Variants in FHIT observed in about 807,000 individuals in gnomAD.
FHIT encodes the protein fragile histidine triad diadenosine triphosphatase, also known as bis(5'-adenosyl)-triphosphatase.
In FHIT, 19 loss-of-function variants were observed where a neutral mutation model predicts 17.9. The observed-to-expected ratio is 1.06, with a 90% CI of 0.74 to 1.56. The LOEUF (loss-of-function observed/expected upper bound fraction) is 1.56. Ranked by LOEUF, FHIT falls within the 40% of genes most tolerant of loss-of-function variation. The pLI, the probability that FHIT is intolerant of heterozygous loss-of-function variation, is 0.00. For missense variants in FHIT, 248 were observed against 189.2 expected (o/e 1.31, Z -1.82); for synonymous variants, 81 against 69.7 (o/e 1.16, Z -0.81).
intron 5 of FHIT, among the ~76,000 whole-genome samples, chr3:60,471,407 C>T (rs1446869118): frequency 1.3e-5 from 2 of 152,198 alleles, no homozygotes; most frequent in Non-Finnish European, 2.9e-5. Flanking sequence ...GACAATTTGC[C>T]TCTGGCTAGG....
At chr3:60,550,940 G>A (rs531644449) in intron 4 of FHIT, among the ~76,000 whole-genome samples, 1 of 152,232 alleles carries the variant, frequency 6.6e-6, no homozygotes, top group South Asian at 2.1e-4. Flanking sequence ...CAAAATCCAA[G>A]AACAGGAAGG....
chr3:60,200,851 T>G (rs1702868849), intron 5 of FHIT, among the ~76,000 whole-genome samples: 1 of 152,146 alleles, frequency 6.6e-6, no homozygotes, highest in Non-Finnish European at 1.5e-5. Context: ...GGCTACTGAT[T>G]CAGTTTTATT....
chr3:60,722,879 C>T (rs1271487510), intron 4 of FHIT, among the ~76,000 whole-genome samples: 17 of 152,042 alleles, frequency 1.1e-4, no homozygotes, highest in African/African-American at 3.9e-4. Context: ...GGAGCCGCCA[C>T]ATCCAGCGAA....
chr3:59,886,202 G>C (rs1270577272), intron 8 of FHIT: 1 of 152,194 alleles, frequency 6.6e-6, no homozygotes, highest in Non-Finnish European at 1.5e-5. Flanking sequence ...TCTGGAAAAA[G>C]GCAGTGTTCA....
intron 3 of FHIT, among the ~76,000 whole-genome samples, chr3:60,912,373 C>T (rs1706790953): frequency 6.6e-6 from 1 of 152,102 alleles, no homozygotes; most frequent in Non-Finnish European, 1.5e-5. Flanking sequence ...AACTGAACCT[C>T]CCTGAGGCCC....
rs552159796 is a variant in FHIT at position 60,310,571 on chromosome 3, G to A, written c.103+226289C>T. ...GTGACCAGTCCAAGCCTCTCCAGTTGGCTTCTGAGAGAGCTAACAGCTACT... is the reference window on the plus strand; with the variant it reads ...GTGACCAGTCCAAGCCTCTCCAGTTAGCTTCTGAGAGAGCTAACAGCTACT... On this transcript the variant is annotated intron_variant, in intron 5 of 9. Transcript: ENST00000492590. Among the ~76,000 whole-genome samples the A allele has an allele frequency of 3.9e-5, 6 of 152,100 alleles. No individual in the cohort carries two copies. In the South Asian group the frequency reaches 1.2e-3, roughly 32 times the overall value.
At chr3:60,245,336 G>A (rs1355143194) in intron 5 of FHIT, among the ~76,000 whole-genome samples, 2 of 151,950 alleles carry the variant, frequency 1.3e-5, no homozygotes, top group African/African-American at 4.8e-5. Flanking sequence ...TTTTATCAGA[G>A]GGCCCATAGC....
intron 5 of FHIT, among the ~76,000 whole-genome samples, chr3:60,110,131 C>A (rs547926457): frequency 3.9e-4 from 59 of 152,272 alleles, no homozygotes; most frequent in African/African-American, 1.3e-3. Flanking sequence ...CTATTCCCAG[C>A]GTCCTCTCAT....
chr3:60,088,063 G>A (rs976705264), intron 5 of FHIT, among the ~76,000 whole-genome samples: 2 of 152,210 alleles, frequency 1.3e-5, no homozygotes, highest in Admixed American at 6.5e-5. Context: ...CATGGTGGAA[G>A]ATGAAAGGGA....
At chr3:61,121,249 C>G (rs1462823611) in intron 2 of FHIT, among the ~76,000 whole-genome samples, 1 of 152,054 alleles carries the variant, frequency 6.6e-6, no homozygotes, top group African/African-American at 2.4e-5. Context: ...GAGAACGCCA[C>G]AAATATATTC....
chr3:60,316,578 T>A (rs922905812), intron 5 of FHIT, among the ~76,000 whole-genome samples: 2 of 152,208 alleles, frequency 1.3e-5, no homozygotes, highest in African/African-American at 4.8e-5. Flanking sequence ...GCCAGTTTCC[T>A]TGTCATTGAG....
intron 5 of FHIT, among the ~76,000 whole-genome samples, chr3:60,263,761 T>C (rs923713005): frequency 3.9e-5 from 6 of 151,932 alleles, no homozygotes; most frequent in Admixed American, 1.3e-4. Context: ...AAATTTTATG[T>C]GTGTTGCTGT....
chr3:61,086,860 C>T (rs1239883817), intron 2 of FHIT, among the ~76,000 whole-genome samples: 1 of 152,060 alleles, frequency 6.6e-6, no homozygotes, highest in Non-Finnish European at 1.5e-5. Flanking sequence ...ATAAAAACTC[C>T]ATATTCTGTA....
chr3:60,751,095 G>A (rs937347322), intron 4 of FHIT, among the ~76,000 whole-genome samples: 1 of 152,204 alleles, frequency 6.6e-6, no homozygotes, highest in African/African-American at 2.4e-5. Context: ...TAACCCTAGG[G>A]TGGGACCCTT....
chr3:59,841,378 A>AATGGG (rs1235258247), intron 8 of FHIT, among the ~76,000 whole-genome samples: 32 of 152,208 alleles, frequency 2.1e-4, no homozygotes, highest in Non-Finnish European at 4.0e-4. Flanking sequence ...GCTACTTGAG[A>AATGGG]ATGGGCCTCA....
chr3:59,884,407 T>G (rs1478168769), intron 8 of FHIT, among the ~76,000 whole-genome samples: 1 of 152,128 alleles, frequency 6.6e-6, no homozygotes, highest in Non-Finnish European at 1.5e-5. Flanking sequence ...TGTTAATATT[T>G]ACCAGCACAC....
intron 3 of FHIT, among the ~76,000 whole-genome samples, chr3:60,894,249 C>T (rs750078670): frequency 7.9e-5 from 12 of 152,182 alleles, no homozygotes; most frequent in Non-Finnish European, 1.6e-4. Flanking sequence ...CGTTAACATA[C>T]ATTAGTTCCA....
chr3:59,876,133 T>C (rs915881606), intron 8 of FHIT, among the ~76,000 whole-genome samples: 1 of 152,050 alleles, frequency 6.6e-6, no homozygotes, highest in African/African-American at 2.4e-5. Context: ...TTAATGCCAC[T>C]GAACTGTACT....
At chr3:59,911,616 A>G (rs1442792631) in intron 8 of FHIT, among the ~76,000 whole-genome samples, 1 of 152,198 alleles carries the variant, frequency 6.6e-6, no homozygotes, top group Non-Finnish European at 1.5e-5. Flanking sequence ...TTAAAATCCC[A>G]TTCTTTTCTC....
Sources: allele counts gnomAD v4.1 joint callset (sites outside exome capture counted in the v4.1 genomes callset), GRCh38; gene constraint gnomAD v4.1.1; transcripts MANE v1.5; gene names NCBI Gene and HGNC (gene_info 2026-07-23, HGNC 2026-07-21).